Variants in TBC1D5 observed in about 807,000 individuals in gnomAD.
TBC1D5 encodes TBC1 domain family, member 5.
In TBC1D5, 75 loss-of-function variants were observed where a neutral mutation model predicts 100.3. The ratio of observed to expected loss-of-function variants is 0.75; its 90% CI spans 0.62 to 0.91. The LOEUF (loss-of-function observed/expected upper bound fraction) is 0.91. TBC1D5 is among the 40% of genes least tolerant of loss of function. The probability of loss-of-function intolerance (pLI) is 0.00; values close to 1 mark genes in which losing one functional copy is unlikely to be tolerated. For synonymous variants in TBC1D5, 323 were observed against 325.6 expected, an observed-to-expected ratio of 0.99 and a Z score of 0.09; for missense variants, 910 against 942.4, an observed-to-expected ratio of 0.97 and a Z score of 0.45.
At chr3:17,483,079 A>C (rs1364139673) in intron 3 of TBC1D5, among the ~76,000 whole-genome samples, 1 of 152,138 alleles carries the variant, frequency 6.6e-6, no homozygotes, top group Non-Finnish European at 1.5e-5. Flanking sequence ...AATGGCAAAA[A>C]ATTACCATGC....
intron 2 of TBC1D5, among the ~76,000 whole-genome samples, chr3:17,521,342 C>A (rs935159018): frequency 6.6e-6 from 1 of 152,324 alleles, no homozygotes; most frequent in African/African-American, 2.4e-5. Context: ...GTGAAGCCAA[C>A]AAGGGTAACT....
chr3:17,734,282 G>A (rs1282207258), intron 1 of TBC1D5, among the ~76,000 whole-genome samples: 2 of 152,000 alleles, frequency 1.3e-5, no homozygotes, highest in Non-Finnish European at 2.9e-5. Context: ...GGGCGGAGGG[G>A]GAGAGAAATC....
chr3:17,608,755 C>T (rs1425773472), intron 2 of TBC1D5, among the ~76,000 whole-genome samples: 2 of 152,004 alleles, frequency 1.3e-5, no homozygotes, highest in Admixed American at 6.6e-5. Flanking sequence ...CTTTTAGTTG[C>T]CATTTTGGCC....
chr3:17,518,939 G>A (rs1289358041), intron 2 of TBC1D5: 2 of 152,308 alleles, frequency 1.3e-5, no homozygotes, highest in African/African-American at 4.8e-5. Flanking sequence ...AAGGCAGACA[G>A]CCCATTCCAG....
At chr3:17,491,949 G>A (rs896543511) in intron 3 of TBC1D5, among the ~76,000 whole-genome samples, 1 of 152,094 alleles carries the variant, frequency 6.6e-6, no homozygotes, top group African/African-American at 2.4e-5. Context: ...TTGGCAGACT[G>A]TTTACTACTG....
intron 13 of TBC1D5, among the ~76,000 whole-genome samples, chr3:17,355,317 T>A (rs2091110755): frequency 6.6e-6 from 1 of 152,150 alleles, no homozygotes; most frequent in Admixed American, 6.6e-5. Context: ...AAGACTCCTG[T>A]ATGTTCCCAA....
In TBC1D5 at chr3:17,349,807, TGC is replaced by T. The variant is rs2090336493; in HGVS notation, c.995+22266_995+22267del. On this transcript the variant is annotated intron_variant, in intron 13 of 21. Coordinates refer to ENST00000253692, the Ensembl canonical transcript of TBC1D5. ...CCAAGAGAAGTCACTTTAACTCACA[TGC>T]CTTTAGGAGTAATGATACATTTAAA... Among the ~76,000 whole-genome samples, 3 of 152,270 alleles carry T rather than the reference TGC, an allele frequency of 2.0e-5. No individual in the cohort carries two copies. In the South Asian group the frequency reaches 6.2e-4, roughly 32 times the overall value.
At chr3:17,527,122 A>G (rs563396294) in intron 2 of TBC1D5, among the ~76,000 whole-genome samples, 1 of 152,370 alleles carries the variant, frequency 6.6e-6, no homozygotes, top group Non-Finnish European at 1.5e-5. Context: ...AAGAGTTCGC[A>G]TATCAAGTAG....
At chr3:17,324,081 T>A (rs956838626) in intron 13 of TBC1D5, among the ~76,000 whole-genome samples, 2 of 152,204 alleles carry the variant, frequency 1.3e-5, no homozygotes, top group Non-Finnish European at 2.9e-5. Flanking sequence ...ATGGATGGTC[T>A]TTTTCACAAA....
chr3:17,717,272 G>T (rs1008142107), intron 1 of TBC1D5, among the ~76,000 whole-genome samples: 9 of 151,428 alleles, frequency 5.9e-5, no homozygotes, highest in Non-Finnish European at 1.2e-4. Context: ...AAAAAAAAGG[G>T]GGGTGGCTAA....
intron 21 of TBC1D5, among the ~76,000 whole-genome samples, chr3:17,163,239 C>A (rs2125048748): frequency 7.1e-6 from 1 of 140,256 alleles, no homozygotes; most frequent in East Asian, 2.2e-4. Context: ...GCCTTAGCAG[C>A]CATTTTCTTT....
chr3:17,569,658 A>G (rs2096614355), intron 2 of TBC1D5, among the ~76,000 whole-genome samples: 1 of 151,688 alleles, frequency 6.6e-6, no homozygotes, highest in Admixed American at 6.6e-5. Flanking sequence ...CTCAAATCAG[A>G]AATCCAACTT....
chr3:17,526,793 A>G (rs1187338522), intron 2 of TBC1D5, among the ~76,000 whole-genome samples: 3 of 152,232 alleles, frequency 2.0e-5, no homozygotes, highest in Non-Finnish European at 4.4e-5. Context: ...GTTAGAATAA[A>G]ATCAATGACA....
At position 17,249,433 on chromosome 3, in the gene TBC1D5, C is replaced by T. The variant is rs145069410; in HGVS notation, c.1331+9073G>A. ...CTATCATATGGTTTGAATATGTTTTCCCTCCAAATCTCATGTTGAAATGTG... is the reference window on the plus strand; with the variant it reads ...CTATCATATGGTTTGAATATGTTTTTCCTCCAAATCTCATGTTGAAATGTG... On this transcript the variant is annotated intron_variant, in intron 16 of 21. Transcript: ENST00000253692. 1.4e-3 allele frequency among the ~76,000 whole-genome samples: 208 copies of T among 152,276 alleles called. No homozygotes were observed. The East Asian group carries it at 0.036, about 26-fold the overall frequency.
At chr3:17,686,337 TAG>T (rs771143059) in intron 1 of TBC1D5, among the ~76,000 whole-genome samples, 77 of 152,156 alleles carry the variant, frequency 5.1e-4, no homozygotes, top group Non-Finnish European at 8.5e-4. Context: ...CCTTAAATAG[TAG>T]ATCCCAAGTT....
chr3:17,456,727 T>C (rs1231643786), intron 3 of TBC1D5, among the ~76,000 whole-genome samples: 2 of 152,042 alleles, frequency 1.3e-5, no homozygotes, highest in East Asian at 3.9e-4. Flanking sequence ...CAAAGAACAG[T>C]TTGGAGGTTC....
intron 2 of TBC1D5, among the ~76,000 whole-genome samples, chr3:17,568,932 C>T (rs1169749041): frequency 6.6e-6 from 1 of 151,618 alleles, no homozygotes; most frequent in Non-Finnish European, 1.5e-5. Flanking sequence ...AAAAAAGTCA[C>T]GGATCTGCCC....
chr3:17,364,419 C>T (rs1183167204), intron 13 of TBC1D5, among the ~76,000 whole-genome samples: 1 of 152,148 alleles, frequency 6.6e-6, no homozygotes, highest in Non-Finnish European at 1.5e-5. Context: ...AAACTCCTTG[C>T]TGTCACAGAT....
chr3:17,626,311 C>A lies in TBC1D5; in HGVS notation c.-100-2398G>T, dbSNP rs185480844. Among the ~76,000 whole-genome samples the A allele has an allele frequency of 2.0e-5, 3 of 152,154 alleles. No individual in the cohort carries two copies. The East Asian group carries it at 5.8e-4, about 29-fold the overall frequency. ...TCTCTCTCTTCCAGAATATAAAGTC[C>A]ATGAAAGCTGAGTCCATACCTTTCT... On this transcript the variant is annotated intron_variant, in intron 1 of 21. Transcript: ENST00000253692.
Sources: gnomAD v4.1 joint callset for allele counts (sites outside exome capture counted in the v4.1 genomes callset) on GRCh38, gnomAD v4.1.1 for gene constraint, MANE v1.5 for transcripts, NCBI Gene and HGNC (gene_info 2026-07-23, HGNC 2026-07-21) for gene names.